The following WASHC5 variants were observed in gnomAD, a reference collection of about 807,000 sequenced individuals.
WASHC5 encodes WASH complex subunit 5, also known as WASH complex subunit strumpellin.
WASHC5 carries 101 observed loss-of-function variants against 150.4 expected under a neutral mutation model. That is an observed-to-expected ratio of 0.67 (90% CI 0.57 to 0.79). WASHC5 has a LOEUF of 0.79. Ranked by LOEUF, WASHC5 falls within the 30% of genes least tolerant of loss-of-function variation. The pLI is 0.00. For synonymous variants in WASHC5, 467 were observed against 491.2 expected (o/e 0.95, Z 0.65); for missense variants, 1,195 against 1,396.3 (o/e 0.86, Z 2.30).
rs2033132 is a variant in WASHC5 at position 125,078,542 on chromosome 8, T to G, written c.711+196A>C. On this transcript the variant is annotated intron_variant, in intron 6 of 28. Coordinates refer to ENST00000318410, the MANE Select transcript of WASHC5 (RefSeq NM_014846.4). ...TCCCAATAGCTCAAATTCCATCTTC[T>G]CCCTGAAATATATGATTCTGGCAAA... 0.027 allele frequency among the ~76,000 whole-genome samples: 4,126 copies of G among 152,284 alleles called. 201 individuals carry two copies. The highest frequency in any genetic ancestry group is 0.095 in the African/African-American group (3,955 of 41,538).
At chr8:125,073,932 C>T (rs1284673692) in intron 8 of WASHC5, among the ~76,000 whole-genome samples, 1 of 152,180 alleles carries the variant, frequency 6.6e-6, no homozygotes, top group African/African-American at 2.4e-5. Flanking sequence ...ATTGCTTGTT[C>T]TTGCTAATAC....
chr8:125,044,007 G>A lies in WASHC5; in HGVS notation c.2755C>T (p.Leu919=). 2 of 1,612,904 alleles carry A rather than the reference G, an allele frequency of 1.2e-6. No individual in the cohort carries two copies. The highest frequency in any genetic ancestry group is 1.7e-6 in the Non-Finnish European group (2 of 1,178,924). ...GGACACTCACCGACAATACTTTTTAGGGGACTGACAGCATTCATGAGGGTT... is the reference window on the plus strand; with the variant it reads ...GGACACTCACCGACAATACTTTTTAAGGGACTGACAGCATTCATGAGGGTT... ...LKTLMNAVSP[L]KSIVANSNKI... Residue 919 remains leucine, a synonymous_variant, in exon 22 of 29, where the codon CTA becomes TTA. Coordinates refer to ENST00000318410, the MANE Select transcript of WASHC5 (RefSeq NM_014846.4).
intron 25 of WASHC5, among the ~76,000 whole-genome samples, chr8:125,037,873 C>T (rs1586339158): frequency 6.6e-6 from 1 of 152,180 alleles, no homozygotes; most frequent in Admixed American, 6.5e-5. Context: ...CCAGATGTCA[C>T]GGCAGAAACT....
At chr8:125,041,075 G>A (rs1404433982) in intron 23 of WASHC5, among the ~76,000 whole-genome samples, 1 of 152,206 alleles carries the variant, frequency 6.6e-6, no homozygotes, top group Admixed American at 6.5e-5. Context: ...AATGATACTT[G>A]GAGATTATCT....
At chr8:125,036,700 T>C (rs1257558110) in intron 26 of WASHC5, among the ~76,000 whole-genome samples, 2 of 143,172 alleles carry the variant, frequency 1.4e-5, no homozygotes, top group Admixed American at 6.7e-5. Flanking sequence ...AATAAATAAA[T>C]AAGTGTACTT....
intron 15 of WASHC5, 24 bp downstream of exon 15, chr8:125,057,532 A>G (rs771664903): frequency 2.1e-5 from 31 of 1,443,316 alleles, no homozygotes; most frequent in Non-Finnish European, 3.0e-5. Flanking sequence ...GCAAGAGTAA[A>G]TATCACCCTG....
chr8:125,033,414 A>G (rs1815599522), intron 26 of WASHC5, among the ~76,000 whole-genome samples: 1 of 152,230 alleles, frequency 6.6e-6, no homozygotes. Flanking sequence ...GGGGAACGAC[A>G]AACCTTGACC....
At position 125,083,697 on chromosome 8, in the gene WASHC5, T is replaced by G. The variant is rs564827280; in HGVS notation, c.186+16A>C. 8.9e-6 allele frequency: 14 copies of G among 1,581,752 alleles called. No individual in the cohort carries two copies. In the African/African-American group the frequency reaches 1.8e-4, roughly 20 times the overall value. On this transcript the variant is annotated intron_variant, in intron 2 of 28. Coordinates refer to ENST00000318410, the MANE Select transcript of WASHC5 (RefSeq NM_014846.4). ...GTAGAAAAGACAACAATAAAAATGC[T>G]ATAGAGGAAGATTACCTTAAAATAG... is the stretch of plus-strand genomic sequence containing the variant.
In WASHC5 at chr8:125,047,220, T is replaced by A; in HGVS notation, c.2491A>T (p.Ile831Phe). Reference sequence around the variant, plus strand: ...AGGTACACCTACTTTGGGTCTGTGATCCGCAGGATTTCTCTGCAGAGTCGA... The same window carrying A: ...AGGTACACCTACTTTGGGTCTGTGAACCGCAGGATTTCTCTGCAGAGTCGA... ...IGRLCREILR[I>F]TDPKMTCHID... The change falls in exon 20 of 29, where the codon ATC becomes TTC. Residue 831 changes from isoleucine to phenylalanine, a missense_variant. This residue lies in a region of WASHC5 where 997 missense variants were observed against 1,168.1 expected (regional missense o/e 0.85). Transcript: ENST00000318410. The A allele has an allele frequency of 7.4e-6, 12 of 1,614,030 alleles. No homozygotes were observed. The highest frequency in any genetic ancestry group is 5.1e-6 in the Non-Finnish European group (6 of 1,179,946).
intron 26 of WASHC5, 71 bp downstream of exon 26, chr8:125,037,166 A>C: frequency 1.1e-6 from 1 of 910,500 alleles, no homozygotes; most frequent in Non-Finnish European, 1.8e-6. Flanking sequence ...CATTCTATAC[A>C]AAAAGCTATT....
intron 2 of WASHC5, 78 bp downstream of exon 2, chr8:125,083,635 T>C: frequency 8.6e-7 from 1 of 1,159,396 alleles, no homozygotes; most frequent in South Asian, 1.3e-5. Context: ...TCCTTAACCT[T>C]ACAGAGTTTC....
chr8:125,087,682 A>C lies in WASHC5; in HGVS notation c.-124-3660T>G, dbSNP rs1817459530. Among the ~76,000 whole-genome samples the C allele has an allele frequency of 2.0e-5, 3 of 150,340 alleles. No homozygotes were observed. In the Admixed American group the frequency reaches 2.0e-4, roughly 10 times the overall value. ...CTGGAGGTTGAGGCTGCAGTGAGCC[A>C]TGATCGTGCCACTGCACTCTTGCCT... On this transcript the variant is annotated intron_variant, in intron 1 of 28. Transcript: ENST00000318410.
chr8:125,083,712 C>A lies in WASHC5; in HGVS notation c.186+1G>T. ...ATAAAAATGCTATAGAGGAAGATTA[C>A]CTTAAAATAGCTGAAATCAAATATG... On this transcript the variant is annotated splice_donor_variant, in intron 2 of 28. Coordinates refer to ENST00000318410, the MANE Select transcript of WASHC5 (RefSeq NM_014846.4). LOFTEE classifies it high-confidence loss of function. The A allele has an allele frequency of 1.2e-6, 2 of 1,607,826 alleles. No individual in the cohort carries two copies. The highest frequency in any genetic ancestry group is 1.7e-6 in the Non-Finnish European group (2 of 1,175,046).
At position 125,083,757 on chromosome 8, in the gene WASHC5, G is replaced by T; in HGVS notation, c.142C>A (p.Gln48Lys). ...AATATGATATCTCCATATTTCTGTT[G>T]ATCAGCTCTGTCTTTTAACCTGAAC... ...AVFRLKDRAD[Q>K]QKYGDIIFDF... is the part of the protein sequence containing the mutation. The change falls in exon 2 of 29, where the codon CAA becomes AAA. Residue 48 changes from glutamine (Q) to lysine (K), a missense_variant. Transcript: ENST00000318410. The T allele has an allele frequency of 6.2e-7, 1 of 1,613,582 alleles. No individual in the cohort carries two copies. Among genetic ancestry groups the T allele is most frequent in the South Asian group, 1.1e-5 (1 of 91,028 alleles).
In WASHC5 at chr8:125,033,246, A is replaced by G. The variant is rs114806942; in HGVS notation, c.3182-852T>C. On this transcript the variant is annotated intron_variant, in intron 26 of 28. Coordinates refer to ENST00000318410, the MANE Select transcript of WASHC5 (RefSeq NM_014846.4). ...TCTCTATACAGTTTCAATAATTAAG[A>G]CACTATGGCATAAGAACAGACAAAT... Among the ~76,000 whole-genome samples the G allele has an allele frequency of 3.4e-3, 514 of 152,340 alleles. 4 individuals are homozygous for G. Among genetic ancestry groups the G allele is most frequent in the African/African-American group, 0.012 (490 of 41,572 alleles).
chr8:125,084,116 A>C (rs1169239711), intron 1 of WASHC5, 94 bp from the exon 2 acceptor site: 1 of 545,586 alleles, frequency 1.8e-6, no homozygotes, highest in African/African-American at 1.9e-5. Context: ...ACTCACTAAA[A>C]AAATTTTAAG....
rs1238649445 is a variant in WASHC5 at position 125,067,061 on chromosome 8, C to A, written c.1278+531G>T. On this transcript the variant is annotated intron_variant, in intron 10 of 28. Transcript: ENST00000318410. ...ACAGGGTGTCACTCTGTTGCCTAGG[C>A]TGGAGTGCAGTGGTGCGATCTTGGC... Among the ~76,000 whole-genome samples the A allele has an allele frequency of 3.3e-5, 5 of 152,300 alleles. No individual in the cohort carries two copies. The East Asian group carries it at 5.8e-4, about 18-fold the overall frequency.
intron 12 of WASHC5, among the ~76,000 whole-genome samples, chr8:125,059,986 A>C (rs1816543600): frequency 6.6e-6 from 1 of 152,238 alleles, no homozygotes; most frequent in South Asian, 2.1e-4. Context: ...AAATAATACA[A>C]GTGTGCAATT....
intron 16 of WASHC5, among the ~76,000 whole-genome samples, chr8:125,055,913 T>C (rs984050785): frequency 1.3e-5 from 2 of 152,186 alleles, no homozygotes; most frequent in Non-Finnish European, 2.9e-5. Flanking sequence ...TTTTCTCATG[T>C]CTAAAATTTG....
Sources: gnomAD v4.1 joint callset for allele counts (sites outside exome capture counted in the v4.1 genomes callset) on GRCh38, gnomAD v4.1.1 for gene constraint, gnomAD v4.1.1 regional missense constraint, MANE v1.5 for transcripts, NCBI Gene and HGNC (gene_info 2026-07-23, HGNC 2026-07-21) for gene names.